Variants in BABAM2 observed in about 807,000 individuals in gnomAD.
BABAM2 encodes the protein BRISC and BRCA1 A complex member 2, also known as BRISC and BRCA1-A complex member 2.
In BABAM2, 31 loss-of-function variants were observed where a neutral mutation model predicts 54.7. The observed-to-expected ratio is 0.57, with a 90% CI of 0.43 to 0.77. BABAM2 has a LOEUF of 0.77. Among genes scored for constraint, BABAM2 ranks in the 30% least tolerant of loss-of-function variants. The pLI is 0.00. For synonymous variants in BABAM2, 167 were observed against 162.9 expected, an observed-to-expected ratio of 1.03 and a Z score of -0.19; for missense variants, 364 against 455.8, an observed-to-expected ratio of 0.80 and a Z score of 1.83.
intron 3 of BABAM2, among the ~76,000 whole-genome samples, chr2:27,935,533 T>G (rs1180058072): frequency 6.6e-6 from 1 of 152,256 alleles, no homozygotes; most frequent in African/African-American, 2.4e-5. Flanking sequence ...GTTAAGATGC[T>G]ATGAACATTG....
intron 7 of BABAM2, among the ~76,000 whole-genome samples, chr2:28,165,214 T>C (rs1300918610): frequency 6.6e-6 from 1 of 152,186 alleles, no homozygotes; most frequent in African/African-American, 2.4e-5. Flanking sequence ...GGTGTTCAAG[T>C]TTCTTTGAGG....
At chr2:28,295,846 G>T (rs560818797) in intron 10 of BABAM2, among the ~76,000 whole-genome samples, 1 of 151,964 alleles carries the variant, frequency 6.6e-6, no homozygotes. Flanking sequence ...GGTGGTTCAC[G>T]CCTGTAATCC....
At chr2:28,309,867 T>A in intron 11 of BABAM2, 1 of 544,178 alleles carries the variant, frequency 1.8e-6, no homozygotes, top group Non-Finnish European at 3.3e-6. Flanking sequence ...ATAAAGTCAG[T>A]GCTGGTGAGC....
chr2:28,200,175 A>G (rs1678108028), intron 7 of BABAM2, among the ~76,000 whole-genome samples: 1 of 152,222 alleles, frequency 6.6e-6, no homozygotes, highest in South Asian at 2.1e-4. Flanking sequence ...CACTAAAAGA[A>G]GGAGAAGCCA....
chr2:28,283,080 A>G (rs1686514359), intron 10 of BABAM2, among the ~76,000 whole-genome samples: 1 of 151,834 alleles, frequency 6.6e-6, no homozygotes, highest in Admixed American at 6.6e-5. Flanking sequence ...AGATCTTTCA[A>G]GCACAGATGA....
chr2:28,177,252 G>C (rs1337030305), intron 7 of BABAM2, among the ~76,000 whole-genome samples: 1 of 150,142 alleles, frequency 6.7e-6, no homozygotes, highest in African/African-American at 2.4e-5. Flanking sequence ...TGGCCTATTC[G>C]AAGTACTGAA....
intron 6 of BABAM2, among the ~76,000 whole-genome samples, chr2:28,058,227 A>C (rs1162035930): frequency 3.9e-5 from 6 of 152,178 alleles, no homozygotes; most frequent in African/African-American, 1.4e-4. Context: ...TGAACAGTCC[A>C]GTTTGGCTAA....
At chr2:28,029,135 G>A (rs1201323521) in intron 5 of BABAM2, among the ~76,000 whole-genome samples, 2 of 152,154 alleles carry the variant, frequency 1.3e-5, no homozygotes, top group Non-Finnish European at 2.9e-5. Context: ...AAATCAGCAT[G>A]ACTAAAATTT....
chr2:28,052,581 C>T (rs1177569931), intron 6 of BABAM2, among the ~76,000 whole-genome samples: 4 of 152,052 alleles, frequency 2.6e-5, no homozygotes, highest in Non-Finnish European at 5.9e-5. Context: ...AGCCACCACA[C>T]CCGGCCGTAA....
intron 2 of BABAM2, among the ~76,000 whole-genome samples, chr2:27,913,272 C>A (rs1666734929): frequency 2.0e-5 from 3 of 152,078 alleles, no homozygotes; most frequent in Admixed American, 2.0e-4. Context: ...CTGTACTTTT[C>A]TTATTATGGA....
At chr2:28,100,696 AGAAGTT>A (rs1667010475) in intron 6 of BABAM2, among the ~76,000 whole-genome samples, 1 of 152,186 alleles carries the variant, frequency 6.6e-6, no homozygotes, top group Non-Finnish European at 1.5e-5. Context: ...ACTAGAAGAG[AGAAGTT>A]GCTACTTGTT....
At chr2:27,900,192 C>T (rs1486455817) in intron 2 of BABAM2, among the ~76,000 whole-genome samples, 1 of 152,078 alleles carries the variant, frequency 6.6e-6, no homozygotes, top group Admixed American at 6.6e-5. Flanking sequence ...AAGAGGTATA[C>T]CCTATAGGAC....
intron 3 of BABAM2, among the ~76,000 whole-genome samples, chr2:27,935,472 T>C (rs1228509270): frequency 1.3e-5 from 2 of 152,270 alleles, no homozygotes; most frequent in Non-Finnish European, 2.9e-5. Context: ...AGAAGGTTGC[T>C]TCTTGCAGAT....
rs576164445 is a variant in BABAM2, at chr2:28,135,321, A to C, written c.680+5941A>C. ...TTTACCATCCCATCTGATCCTCATG[A>C]TAGTATGTCTATCATGTGTTTTATA... is the stretch of plus-strand genomic sequence containing the variant. On this transcript the variant is annotated intron_variant, in intron 7 of 11. Transcript: ENST00000379624. 2.4e-4 allele frequency among the ~76,000 whole-genome samples: 37 copies of C among 152,322 alleles called. No individual in the cohort carries two copies. The South Asian group carries it at 6.0e-3, about 25-fold the overall frequency.
intron 11 of BABAM2, among the ~76,000 whole-genome samples, chr2:28,317,275 A>T (rs533978644): frequency 2.0e-5 from 3 of 152,268 alleles, no homozygotes; most frequent in Admixed American, 6.5e-5. Context: ...ATAGCTTTTC[A>T]CCTTGGTTTC....
chr2:27,944,606 G>A (rs560465101), intron 3 of BABAM2, among the ~76,000 whole-genome samples: 5 of 152,112 alleles, frequency 3.3e-5, no homozygotes, highest in African/African-American at 9.6e-5. Flanking sequence ...CTGTACCACA[G>A]TTTTTTATTT....
intron 7 of BABAM2, among the ~76,000 whole-genome samples, chr2:28,226,282 T>C (rs1175902341): frequency 1.3e-5 from 2 of 152,202 alleles, no homozygotes; most frequent in African/African-American, 4.8e-5. Flanking sequence ...TGCCAATCCC[T>C]TTCCAAGACC....
intron 11 of BABAM2, among the ~76,000 whole-genome samples, chr2:28,318,273 A>G (rs1027631703): frequency 6.6e-6 from 1 of 151,520 alleles, no homozygotes; most frequent in Non-Finnish European, 1.5e-5. Context: ...TGGGCAAACA[A>G]CAGCCTGAGG....
chr2:28,335,195 G>A (rs1383493362), intron 11 of BABAM2, among the ~76,000 whole-genome samples: 3 of 124,386 alleles, frequency 2.4e-5, no homozygotes, highest in Admixed American at 9.6e-5. Flanking sequence ...ACAGAGTCTG[G>A]CTCTGCCGCC....
Sources: gnomAD v4.1 joint callset for allele counts (sites outside exome capture counted in the v4.1 genomes callset) on GRCh38, gnomAD v4.1.1 for gene constraint, MANE v1.5 for transcripts, NCBI Gene and HGNC (gene_info 2026-07-23, HGNC 2026-07-21) for gene names.